Variants in RUNX1T1 observed in about 807,000 individuals in gnomAD.
RUNX1T1 encodes protein CBFA2T1.
RUNX1T1 carries 4 observed loss-of-function variants against 62.8 expected under a neutral mutation model. The observed-to-expected ratio is 0.06, with a 90% CI of 0.03 to 0.15. The LOEUF is 0.15. Among genes scored for constraint, RUNX1T1 ranks in the 10% least tolerant of loss-of-function variants. The pLI is 1.00. For missense variants in RUNX1T1, 508 were observed against 754.3 expected (o/e 0.67, Z 3.82); for synonymous variants, 291 against 286.0 (o/e 1.02, Z -0.18).
intron 5 of RUNX1T1, among the ~76,000 whole-genome samples, chr8:91,999,796 TG>T (rs112188381): frequency 0.011 from 1,704 of 152,234 alleles, 22 homozygotes; most frequent in African/African-American, 0.039. Flanking sequence ...TAGTAGATAC[TG>T]AGTTAGGCCA....
chr8:92,085,772 AG>A (rs1474371161), intron 1 of RUNX1T1, among the ~76,000 whole-genome samples: 6 of 152,214 alleles, frequency 3.9e-5, no homozygotes, highest in Admixed American at 1.3e-4. Context: ...TCACCCAGGT[AG>A]ATTTTTTTGT....
chr8:92,078,548 C>T (rs1272304064), intron 1 of RUNX1T1, among the ~76,000 whole-genome samples: 1 of 151,950 alleles, frequency 6.6e-6, no homozygotes, highest in Non-Finnish European at 1.5e-5. Flanking sequence ...TGTAGTTCTA[C>T]AAGTGTTATT....
At chr8:91,980,116 GA>G (rs370354009) in intron 8 of RUNX1T1, among the ~76,000 whole-genome samples, 1,703 of 152,218 alleles carry the variant, frequency 0.011, 21 homozygotes, top group South Asian at 0.029. Context: ...ACTGCTTTAG[GA>G]TTTCCATCTT....
At chr8:92,076,815 G>A (rs1041620488) in intron 1 of RUNX1T1, among the ~76,000 whole-genome samples, 3 of 151,844 alleles carry the variant, frequency 2.0e-5, no homozygotes, top group Non-Finnish European at 1.5e-5. Flanking sequence ...CTTAGAATTT[G>A]TTCATTCACA....
At chr8:92,076,330 T>C (rs1366008407) in intron 1 of RUNX1T1, among the ~76,000 whole-genome samples, 193 bp from the exon 2 acceptor site, 3 of 152,134 alleles carry the variant, frequency 2.0e-5, no homozygotes, top group Non-Finnish European at 4.4e-5. Flanking sequence ...CATGATGTTT[T>C]CTAAAGGACT....
At chr8:92,066,797 G>A (rs1339137423), upstream of RUNX1T1, among the ~76,000 whole-genome samples, 2 of 152,178 alleles carry the variant, frequency 1.3e-5, no homozygotes, top group Non-Finnish European at 2.9e-5. Flanking sequence ...GTAAGATACA[G>A]CTAACCACAA....
intron 1 of RUNX1T1, among the ~76,000 whole-genome samples, chr8:92,025,166 C>T (rs1166161552): frequency 1.3e-5 from 2 of 152,200 alleles, no homozygotes; most frequent in Non-Finnish European, 2.9e-5. Flanking sequence ...ATTGAATGGA[C>T]TCCCACCCGT....
In RUNX1T1 at chr8:92,011,466, G is replaced by A. The variant is rs1342824521; in HGVS notation, c.388-375C>T. On this transcript the variant is annotated intron_variant, in intron 3 of 10. Coordinates refer to ENST00000396218, the Ensembl canonical transcript of RUNX1T1. Reference sequence around the variant, plus strand: ...AGCATAACAGATCACTTAAAGGACCGAGGGCAAGTGTCAGAATTCTCAGTC... The same window carrying A: ...AGCATAACAGATCACTTAAAGGACCAAGGGCAAGTGTCAGAATTCTCAGTC... Among the ~76,000 whole-genome samples, 4 of 152,158 alleles carry A rather than the reference G, an allele frequency of 2.6e-5. No homozygotes were observed. In the East Asian group the frequency reaches 5.8e-4, roughly 22 times the overall value.
chr8:91,975,284 A>G (rs112838667), intron 9 of RUNX1T1, among the ~76,000 whole-genome samples: 6 of 152,364 alleles, frequency 3.9e-5, no homozygotes, highest in African/African-American at 1.4e-4. Flanking sequence ...CAAAATATAG[A>G]GCAGCATCTT....
Position 92,034,797 on chromosome 8 carries a change from T to TATACACATATATATATACATAC in RUNX1T1, c.8-17435_8-17434insGTATGTATATATATATGTGTAT, listed in dbSNP as rs1827054240. On this transcript the variant is annotated intron_variant, in intron 1 of 10. Transcript: ENST00000396218. ...ATATACACATATATATATACATATA[T>TATACACATATATATATACATAC]ACACACACACACACACACACACACA... 1.1e-4 allele frequency among the ~76,000 whole-genome samples: 11 copies of TATACACATATATATATACATAC among 96,850 alleles called. 1 individual carries two copies. Among genetic ancestry groups the TATACACATATATATATACATAC allele is most frequent in the African/African-American group, 3.8e-4 (9 of 23,522 alleles). 63.5% of individuals were successfully genotyped at this position (96,850 alleles called of 152,430 possible).
upstream of RUNX1T1, chr8:92,103,025 C>T: frequency 1.2e-6 from 1 of 812,492 alleles, no homozygotes. Flanking sequence ...CGCCACGAGA[C>T]CGCGGAGTCG....
At chr8:92,031,866 C>T (rs1223600994) in intron 1 of RUNX1T1, among the ~76,000 whole-genome samples, 1 of 151,628 alleles carries the variant, frequency 6.6e-6, no homozygotes, top group East Asian at 1.9e-4. Context: ...CTGAGGCGGG[C>T]GGGTCACTTG....
chr8:91,990,745 C>T (rs1333472563), intron 6 of RUNX1T1, among the ~76,000 whole-genome samples: 12 of 151,724 alleles, frequency 7.9e-5, no homozygotes, highest in Non-Finnish European at 1.5e-4. Context: ...GTAACCTCTG[C>T]TTCCTGGGCT....
At chr8:91,987,997 T>G (rs1816915664) in intron 6 of RUNX1T1, among the ~76,000 whole-genome samples, 1 of 152,122 alleles carries the variant, frequency 6.6e-6, no homozygotes, top group Non-Finnish European at 1.5e-5. Context: ...TCGTGGAACT[T>G]ATGTATAAAG....
exon 3 of RUNX1T1, chr8:92,014,581 C>A: frequency 6.3e-7 from 1 of 1,598,828 alleles, no homozygotes; most frequent in Non-Finnish European, 8.5e-7. Context: ...TTGCTTACCA[C>A]TAGTCCCAGA....
intron 8 of RUNX1T1, among the ~76,000 whole-genome samples, chr8:91,984,731 G>C (rs1357116299): frequency 6.6e-6 from 1 of 151,940 alleles, no homozygotes; most frequent in Non-Finnish European, 1.5e-5. Context: ...ATCAATTTTT[G>C]TTCATAATAA....
intron 6 of RUNX1T1, among the ~76,000 whole-genome samples, chr8:91,991,166 A>G (rs926227606): frequency 6.6e-6 from 1 of 152,016 alleles, no homozygotes; most frequent in South Asian, 2.1e-4. Context: ...ATAGCATGCC[A>G]TATCACACTT....
rs1221944125 is a variant in RUNX1T1 at position 92,036,012 on chromosome 8, A to AC, written c.8-18650_8-18649insG. 5.3e-5 allele frequency among the ~76,000 whole-genome samples: 8 copies of AC among 152,170 alleles called. No homozygotes were observed. The East Asian group carries it at 1.5e-3, about 29-fold the overall frequency. The stretch of plus-strand genomic sequence containing the variant: ...TAAATTTAATGTTAGTAAGTTCTTA[A>AC]TGTAGCCTCATTTCTATTTATACTG... On this transcript the variant is annotated intron_variant, in intron 1 of 10. Transcript: ENST00000396218.
At chr8:91,971,662 C>A (rs141441499) in intron 9 of RUNX1T1, among the ~76,000 whole-genome samples, 2 of 152,242 alleles carry the variant, frequency 1.3e-5, no homozygotes, top group African/African-American at 4.8e-5. Context: ...ACATTTTAAG[C>A]TGTTGTCCAT....
Sources: allele counts gnomAD v4.1 joint callset (sites outside exome capture counted in the v4.1 genomes callset), GRCh38; gene constraint gnomAD v4.1.1; transcripts MANE v1.5; gene names NCBI Gene and HGNC (gene_info 2026-07-23, HGNC 2026-07-21).